PCDH15: variants seen among roughly 807,000 people sequenced by gnomAD.
The protein encoded by PCDH15 is protocadherin-15.
PCDH15 carries 129 observed loss-of-function variants against 178.5 expected under a neutral mutation model. The observed-to-expected ratio is 0.72, with a 90% CI of 0.63 to 0.84. The LOEUF is 0.84. Among genes scored for constraint, PCDH15 ranks in the 40% least tolerant of loss-of-function variants. The pLI is 0.00. For synonymous variants in PCDH15, 800 were observed against 732.0 expected (o/e 1.09, Z -1.50); for missense variants, 2,230 against 2,099.9 (o/e 1.06, Z -1.21).
intron 18 of PCDH15, among the ~76,000 whole-genome samples, chr10:54,034,982 A>G (rs554591366): frequency 1.3e-5 from 2 of 151,958 alleles, no homozygotes; most frequent in Admixed American, 1.3e-4. Flanking sequence ...CAGATTGGAG[A>G]TTAAAAAGTG....
chr10:55,032,816 T>C (rs758083255), intron 2 of PCDH15, among the ~76,000 whole-genome samples: 26 of 152,124 alleles, frequency 1.7e-4, no homozygotes, highest in Non-Finnish European at 2.9e-4. Context: ...GCCAGGGCCT[T>C]GGTGGCAGAA....
chr10:54,167,478 A>C (rs1473595427), intron 13 of PCDH15, among the ~76,000 whole-genome samples: 8 of 152,212 alleles, frequency 5.3e-5, no homozygotes, highest in African/African-American at 1.7e-4. Context: ...TTGGTGTTTA[A>C]TCATTGCAGG....
chr10:55,563,207 CCCTT>C (rs1256819614), intron 2 of PCDH15, among the ~76,000 whole-genome samples: 1 of 151,828 alleles, frequency 6.6e-6, no homozygotes, highest in East Asian at 1.9e-4. Context: ...TTTTTGCACT[CCCTT>C]CTTTTCTAAA....
At chr10:54,857,892 T>C (rs1364007574) in intron 3 of PCDH15, among the ~76,000 whole-genome samples, 1 of 152,218 alleles carries the variant, frequency 6.6e-6, no homozygotes, top group Non-Finnish European at 1.5e-5. Context: ...TTTTGATACA[T>C]GTTTACACTG....
rs182445653 is a variant in PCDH15, at chr10:54,712,707, C to T, written c.-28-48417G>A. Among the ~76,000 whole-genome samples the T allele has an allele frequency of 3.5e-3, 533 of 152,042 alleles. 1 individual carries two copies. The highest frequency in any genetic ancestry group is 0.011 in the African/African-American group (469 of 41,534). On this transcript the variant is annotated intron_variant, in intron 1 of 37. Transcript: ENST00000644397. The stretch of plus-strand genomic sequence containing the variant: ...TAACATTCTAAACTAGAATTGGAGG[C>T]TACATTTAGCACCCCCTAAGATGAT...
At chr10:54,298,529 AG>A (rs2059939017) in intron 8 of PCDH15, among the ~76,000 whole-genome samples, 3 of 152,202 alleles carry the variant, frequency 2.0e-5, no homozygotes, top group Non-Finnish European at 4.4e-5. Flanking sequence ...ACCTTAAAAA[AG>A]GTTGTCCAAT....
intron 3 of PCDH15, among the ~76,000 whole-genome samples, chr10:54,500,903 C>A (rs753593381): frequency 3.3e-5 from 5 of 152,002 alleles, no homozygotes; most frequent in East Asian, 3.9e-4. Flanking sequence ...GAATACTATG[C>A]GGCCATAAAA....
chr10:54,609,581 G>A (rs1477730165), intron 2 of PCDH15, among the ~76,000 whole-genome samples: 1 of 151,842 alleles, frequency 6.6e-6, no homozygotes, highest in East Asian at 1.9e-4. Context: ...TATCAACAAA[G>A]GCCATTAAAG....
chr10:55,008,260 A>AC (rs1839977136), intron 2 of PCDH15, among the ~76,000 whole-genome samples: 1 of 151,032 alleles, frequency 6.6e-6, no homozygotes. Context: ...TTGAAAAAAA[A>AC]AACAACATTC....
intron 1 of PCDH15, among the ~76,000 whole-genome samples, chr10:55,222,723 A>ACG (rs1392016816): frequency 2.1e-5 from 1 of 48,280 alleles, no homozygotes; most frequent in African/African-American, 6.1e-5. Flanking sequence ...ACACACACAC[A>ACG]CACACACATA....
intron 1 of PCDH15, among the ~76,000 whole-genome samples, chr10:54,767,451 G>A (rs1948643553): frequency 6.6e-6 from 1 of 152,046 alleles, no homozygotes; most frequent in Admixed American, 6.6e-5. Context: ...AAATTACATA[G>A]ACAGTCCACA....
intron 3 of PCDH15, among the ~76,000 whole-genome samples, chr10:54,447,758 C>A (rs1244023088): frequency 6.6e-6 from 1 of 151,602 alleles, no homozygotes; most frequent in Non-Finnish European, 1.5e-5. Context: ...TGGTCAGAGT[C>A]TTCTAGGCTT....
intron 5 of PCDH15, among the ~76,000 whole-genome samples, chr10:54,368,576 C>T (rs1007523885): frequency 1.3e-5 from 2 of 152,068 alleles, no homozygotes; most frequent in East Asian, 3.9e-4. Flanking sequence ...ACAAGCATGT[C>T]CTTAAAAAGT....
chr10:55,294,365 C>G (rs1307053447), intron 1 of PCDH15, among the ~76,000 whole-genome samples: 1 of 152,098 alleles, frequency 6.6e-6, no homozygotes, highest in South Asian at 2.1e-4. Context: ...TTATGTATAG[C>G]TAGGTGTTGA....
chr10:54,546,089 T>A (rs1460768129), intron 2 of PCDH15, among the ~76,000 whole-genome samples: 1 of 152,180 alleles, frequency 6.6e-6, no homozygotes, highest in Non-Finnish European at 1.5e-5. Context: ...ACCTATGAGG[T>A]TTCCACTAGA....
At chr10:54,151,505 A>C (rs1423547405) in intron 14 of PCDH15, among the ~76,000 whole-genome samples, 1 of 152,082 alleles carries the variant, frequency 6.6e-6, no homozygotes, top group Non-Finnish European at 1.5e-5. Context: ...GTGCCGCTAC[A>C]CTCTAGACTG....
chr10:53,882,728 A>G (rs1221005591), intron 26 of PCDH15, among the ~76,000 whole-genome samples: 2 of 152,168 alleles, frequency 1.3e-5, no homozygotes, highest in Admixed American at 6.5e-5. Flanking sequence ...TAATACACGC[A>G]TATCTCTTTG....
chr10:54,901,294 GAATAA>G (rs1954635377), intron 2 of PCDH15, among the ~76,000 whole-genome samples: 1 of 152,008 alleles, frequency 6.6e-6, no homozygotes, highest in African/African-American at 2.4e-5. Flanking sequence ...ATAAATAAAT[GAATAA>G]AATAAAATAG....
chr10:54,430,920 A>G (rs1956891151), intron 3 of PCDH15, among the ~76,000 whole-genome samples: 1 of 152,126 alleles, frequency 6.6e-6, no homozygotes, highest in South Asian at 2.1e-4. Context: ...TGGAGATGAA[A>G]AGGGAGACAT....
Sources: gnomAD v4.1 joint callset for allele counts (sites outside exome capture counted in the v4.1 genomes callset) on GRCh38, gnomAD v4.1.1 for gene constraint, MANE v1.5 for transcripts, NCBI Gene and HGNC (gene_info 2026-07-23, HGNC 2026-07-21) for gene names.